Variants in CHRM5 observed in about 807,000 individuals in gnomAD.
CHRM5 encodes the protein cholinergic receptor muscarinic 5.
CHRM5 carries 18 observed loss-of-function variants against 39.0 expected under a neutral mutation model. The observed-to-expected ratio is 0.46, with a 90% CI of 0.32 to 0.68. The LOEUF is 0.68. Among genes scored for constraint, CHRM5 ranks in the 30% least tolerant of loss-of-function variants. The pLI is 0.04. For missense variants in CHRM5, 515 were observed against 651.1 expected, an observed-to-expected ratio of 0.79 and a Z score of 2.28; for synonymous variants, 241 against 246.3, an observed-to-expected ratio of 0.98 and a Z score of 0.20.
At chr15:34,013,489 A>C (rs1312070122) in intron 1 of CHRM5, among the ~76,000 whole-genome samples, 1 of 152,230 alleles carries the variant, frequency 6.6e-6, no homozygotes, top group Non-Finnish European at 1.5e-5. Context: ...CAATATGTCC[A>C]CAGAGAGCTA....
chr15:34,007,051 A>G, intron 1 of CHRM5: 1 of 984,244 alleles, frequency 1.0e-6, no homozygotes, highest in Non-Finnish European at 1.2e-6. Flanking sequence ...TCATACCTGG[A>G]CATCGGTCAC....
Position 34,039,790 on chromosome 15 carries a change from G to A in CHRM5, c.-407-6750G>A, listed in dbSNP as rs563289631. Among the ~76,000 whole-genome samples the A allele has an allele frequency of 2.0e-5, 3 of 152,314 alleles. No individual in the cohort carries two copies. The South Asian group carries it at 6.2e-4, about 32-fold the overall frequency. On this transcript the variant is annotated intron_variant, in intron 1 of 2. Coordinates refer to ENST00000383263, the MANE Select transcript of CHRM5 (RefSeq NM_012125.4). ...CATAACAGCTCTATGAGGTAGGGAT[G>A]ACTGTCATCCTTATTCTGCAGTGAG...
In CHRM5 at chr15:34,032,333, AC is replaced by A. The variant is rs1202353265; in HGVS notation, c.-407-14206del. 2.0e-5 allele frequency among the ~76,000 whole-genome samples: 3 copies of A among 152,148 alleles called. No homozygotes were observed. In the East Asian group the frequency reaches 5.8e-4, roughly 29 times the overall value. Reference sequence around the variant, plus strand: ...CCCAGTGCTGTAAAAAGTAATCACTACTTTTTCTGGAAAAAAAATAAGAAAA... The same window carrying A: ...CCCAGTGCTGTAAAAAGTAATCACTATTTTTCTGGAAAAAAAATAAGAAAA... On this transcript the variant is annotated intron_variant, in intron 1 of 2. Transcript: ENST00000383263.
chr15:34,045,447 C>T (rs1221360748), intron 1 of CHRM5, among the ~76,000 whole-genome samples: 1 of 152,202 alleles, frequency 6.6e-6, no homozygotes, highest in African/African-American at 2.4e-5. Flanking sequence ...CTTATTCATT[C>T]ACACGCTCTT....
At chr15:34,037,127 AT>A (rs1298799124) in intron 1 of CHRM5, among the ~76,000 whole-genome samples, 1 of 137,354 alleles carries the variant, frequency 7.3e-6, no homozygotes, top group African/African-American at 3.5e-5. Context: ...AAAAAAAAAT[AT>A]ATACCATCAT....
Position 34,016,057 on chromosome 15 carries a change from G to A in CHRM5, c.-407-30483G>A, listed in dbSNP as rs186360338. On this transcript the variant is annotated intron_variant, in intron 1 of 2. Transcript: ENST00000383263. ...TTTGGGAGGCCAAGGTGGGCGGATC[G>A]CCTGAGGTCAGGAGTTCGAGACCAG... Among the ~76,000 whole-genome samples, 48 of 152,084 alleles carry A rather than the reference G, an allele frequency of 3.2e-4. 1 individual carries two copies. The East Asian group carries it at 7.9e-3, about 25-fold the overall frequency.
At chr15:34,037,664 G>A (rs1221341339) in intron 1 of CHRM5, among the ~76,000 whole-genome samples, 3 of 151,412 alleles carry the variant, frequency 2.0e-5, no homozygotes, top group African/African-American at 4.8e-5. Flanking sequence ...GAGGTAAACT[G>A]ACCCTAAAAA....
At chr15:33,982,782 A>C (rs1896211069) in intron 1 of CHRM5, among the ~76,000 whole-genome samples, 1 of 143,688 alleles carries the variant, frequency 7.0e-6, no homozygotes, top group Admixed American at 6.7e-5. Context: ...ATGAATCGAA[A>C]AACACATCAA....
At chr15:34,002,458 C>G (rs541191349) in intron 1 of CHRM5, among the ~76,000 whole-genome samples, 2 of 152,280 alleles carry the variant, frequency 1.3e-5, no homozygotes, top group African/African-American at 4.8e-5. Flanking sequence ...TGTTACTGCT[C>G]TCCAGCATCA....
intron 1 of CHRM5, among the ~76,000 whole-genome samples, chr15:33,985,116 G>C (rs549464768): frequency 2.0e-5 from 3 of 152,118 alleles, no homozygotes; most frequent in Admixed American, 2.0e-4. Context: ...CCTCACAAGA[G>C]ATATTTGCCA....
At chr15:33,988,613 G>A (rs1442516395) in intron 1 of CHRM5, among the ~76,000 whole-genome samples, 1 of 152,152 alleles carries the variant, frequency 6.6e-6, no homozygotes, top group Non-Finnish European at 1.5e-5. Context: ...AGTGGCCACA[G>A]GGCTCATTTA....
intron 2 of CHRM5, among the ~76,000 whole-genome samples, chr15:34,053,753 C>G (rs1219312101): frequency 6.6e-6 from 1 of 152,072 alleles, no homozygotes; most frequent in African/African-American, 2.4e-5. Context: ...CAATACCGTT[C>G]AGGACATAGG....
rs1466364039 is a variant in CHRM5 at position 34,066,959 on chromosome 15, T to C, written c.*2643T>C. On this transcript the variant is annotated 3_prime_UTR_variant, in exon 3 of 3. Transcript: ENST00000383263. ...TAGGGACAACTAGACTTCTATAGAA[T>C]AGCGGCTTTAGTGGGGTCCTCAGAA... is the stretch of plus-strand genomic sequence containing the variant. 6.6e-6 allele frequency: 1 copy of C among 152,200 alleles called. No homozygotes were observed. Among genetic ancestry groups the C allele is most frequent in the Non-Finnish European group, 1.5e-5 (1 of 68,046 alleles). The allele number at this position is 152,200 out of a possible 1,614,324, so 9.4% of individuals were successfully genotyped here.
intron 1 of CHRM5, among the ~76,000 whole-genome samples, chr15:34,008,975 C>CACACAG (rs1165303065): frequency 1.7e-4 from 25 of 150,106 alleles, no homozygotes; most frequent in African/African-American, 4.9e-4. Flanking sequence ...CACACACACA[C>CACACAG]AGACCATCGA....
At chr15:34,015,843 G>A (rs1897879842) in intron 1 of CHRM5, among the ~76,000 whole-genome samples, 1 of 152,164 alleles carries the variant, frequency 6.6e-6, no homozygotes, top group East Asian at 1.9e-4. Flanking sequence ...TGATAAAAAT[G>A]AGAGGCATGA....
intron 1 of CHRM5, among the ~76,000 whole-genome samples, chr15:34,008,134 G>A (rs1316225763): frequency 6.6e-6 from 1 of 152,066 alleles, no homozygotes; most frequent in African/African-American, 2.4e-5. Context: ...CGAAAATAAT[G>A]GGTGGGCCTG....
chr15:34,021,433 A>G (rs9672432), intron 1 of CHRM5, among the ~76,000 whole-genome samples: 138,504 of 151,878 alleles, frequency 0.91, 64,319 homozygotes, highest in Non-Finnish European at 1. Flanking sequence ...TTTCAGGCAC[A>G]CACCACCATG....
rs565953066 is a variant in CHRM5, at chr15:34,029,935, T to G, written c.-407-16605T>G. 2.8e-4 allele frequency among the ~76,000 whole-genome samples: 43 copies of G among 152,310 alleles called. 1 individual carries two copies. The highest frequency in any genetic ancestry group is 1.6e-3 in the Admixed American group (24 of 15,294). On this transcript the variant is annotated intron_variant, in intron 1 of 2. Transcript: ENST00000383263. ...ATATCATGAATCCAGCTCACTAGAA[T>G]GTGAACTCTAGATTCACAATAGAAC...
intron 1 of CHRM5, among the ~76,000 whole-genome samples, chr15:34,033,491 G>A (rs1394280284): frequency 1.3e-5 from 2 of 150,006 alleles, no homozygotes; most frequent in East Asian, 2.0e-4. Context: ...GGGTAACAGA[G>A]CGAGGCTCCG....
Sources: gnomAD v4.1 joint callset for allele counts (sites outside exome capture counted in the v4.1 genomes callset) on GRCh38, gnomAD v4.1.1 for gene constraint, MANE v1.5 for transcripts, NCBI Gene and HGNC (gene_info 2026-07-23, HGNC 2026-07-21) for gene names.